The following BIRC6 variants were observed in gnomAD, a reference collection of about 807,000 sequenced individuals.
The protein encoded by BIRC6 is baculoviral IAP repeat containing 6, also known as dual E2 ubiquitin-conjugating enzyme/E3 ubiquitin-protein ligase BIRC6.
BIRC6 carries 98 observed loss-of-function variants against 503.3 expected under a neutral mutation model. The ratio of observed to expected loss-of-function variants is 0.19; its 90% confidence interval spans 0.17 to 0.23. BIRC6 has a LOEUF of 0.23. Among genes scored for constraint, BIRC6 ranks in the 10% least tolerant of loss-of-function variants. The probability of loss-of-function intolerance (pLI) is 1.00; values close to 1 mark genes in which losing one functional copy is unlikely to be tolerated. For synonymous variants in BIRC6, 2,240 were observed against 2,078.7 expected, an observed-to-expected ratio of 1.08 and a Z score of -2.11; for missense variants, 5,360 against 5,806.0, an observed-to-expected ratio of 0.92 and a Z score of 2.50.
At chr2:32,533,323 A>G (rs2056932484) in intron 61 of BIRC6, among the ~76,000 whole-genome samples, 1 of 152,244 alleles carries the variant, frequency 6.6e-6, no homozygotes, top group African/African-American at 2.4e-5. Flanking sequence ...TGTAATGAAC[A>G]TGTAATGAAC....
intron 54 of BIRC6, among the ~76,000 whole-genome samples, chr2:32,513,680 G>T (rs945912494): frequency 2.0e-5 from 3 of 152,198 alleles, no homozygotes; most frequent in African/African-American, 7.2e-5. Flanking sequence ...GGAGGCCGAG[G>T]TGGGCAGATC....
At chr2:32,566,478 G>A (rs903655175) in intron 65 of BIRC6, 4 of 152,154 alleles carry the variant, frequency 2.6e-5, no homozygotes, top group African/African-American at 9.7e-5. Context: ...TCAGCCTCAT[G>A]AGTAGCTGAG....
intron 36 of BIRC6, among the ~76,000 whole-genome samples, chr2:32,479,204 G>T (rs879542105): frequency 2.6e-5 from 4 of 152,130 alleles, no homozygotes; most frequent in Non-Finnish European, 5.9e-5. Context: ...ATGAATAAGC[G>T]TGTTAATGTA....
At chr2:32,481,734 C>A (rs994719687) in intron 38 of BIRC6, among the ~76,000 whole-genome samples, 3 of 151,682 alleles carry the variant, frequency 2.0e-5, no homozygotes, top group Admixed American at 2.0e-4. Context: ...CCACTGCACT[C>A]CAGCCTGGGT....
At chr2:32,579,823 C>T (rs1553517611) in intron 66 of BIRC6, among the ~76,000 whole-genome samples, 1 of 151,714 alleles carries the variant, frequency 6.6e-6, no homozygotes, top group Non-Finnish European at 1.5e-5. Flanking sequence ...TGAGATCTGG[C>T]CTGGTCACAA....
intron 61 of BIRC6, chr2:32,532,135 G>GTGTGTGTGTGTA (rs1553487063): frequency 8.2e-6 from 3 of 366,308 alleles, no homozygotes; most frequent in Non-Finnish European, 1.6e-5. Flanking sequence ...ATTTCATGTC[G>GTGTGTGTGTGTA]TGTGTGTGTG....
At chr2:32,430,802 CTTCTTTTTT>C in intron 11 of BIRC6, 54 bp from the exon 12 acceptor site, 2 of 993,292 alleles carry the variant, frequency 2.0e-6, no homozygotes, top group Non-Finnish European at 2.9e-6. Context: ...ACTTCATTGT[CTTCTTTTTT>C]TTTTTTTTTT....
chr2:32,541,278 A>G (rs906384696), intron 61 of BIRC6, among the ~76,000 whole-genome samples: 1 of 152,098 alleles, frequency 6.6e-6, no homozygotes, highest in Non-Finnish European at 1.5e-5. Flanking sequence ...AAGTGCCTCA[A>G]ATTCCTATGT....
At chr2:32,543,020 G>A (rs1559016017) in intron 61 of BIRC6, among the ~76,000 whole-genome samples, 1 of 152,168 alleles carries the variant, frequency 6.6e-6, no homozygotes, top group Non-Finnish European at 1.5e-5. Context: ...GGCTGGTCTC[G>A]AGTTCCTGAC....
chr2:32,521,193 A>T (rs544223950), intron 57 of BIRC6, among the ~76,000 whole-genome samples: 1 of 151,838 alleles, frequency 6.6e-6, no homozygotes, highest in South Asian at 2.1e-4. Context: ...TTTATATTAG[A>T]TCAACATGTA....
chr2:32,611,504 G>T lies in BIRC6; in HGVS notation c.14316G>T (p.Glu4772Asp). ...TTGAGATAATGGCCCAATGTGAGGA[G>T]TGGATTGCGGATATCCAGCAGTACA... ...KRVEIMAQCE[E>D]WIADIQQYSS... The change falls in exon 73 of 74, where the codon GAG (glutamate) becomes GAT (aspartate). Residue 4772 changes from glutamate to aspartate, a missense_variant. Glu to Asp is a conservative substitution (Grantham distance 45, BLOSUM62 2). Transcript: ENST00000421745. 6.2e-7 allele frequency: 1 copy of T among 1,611,246 alleles called. No individual in the cohort carries two copies.
chr2:32,398,862 C>T (rs2040279299), intron 6 of BIRC6, among the ~76,000 whole-genome samples: 1 of 151,982 alleles, frequency 6.6e-6, no homozygotes. Flanking sequence ...CTTGGAAGTG[C>T]ACTGTAAAAG....
intron 61 of BIRC6, among the ~76,000 whole-genome samples, chr2:32,534,917 C>A (rs1356803493): frequency 4.6e-5 from 7 of 150,956 alleles, no homozygotes; most frequent in African/African-American, 9.7e-5. Flanking sequence ...AAAAATTTCC[C>A]AAATAGATGT....
At chr2:32,512,405 T>C (rs2054540540) in intron 53 of BIRC6, among the ~76,000 whole-genome samples, 2 of 152,214 alleles carry the variant, frequency 1.3e-5, no homozygotes, top group South Asian at 4.1e-4. Context: ...TTGGGATTAG[T>C]GGGGTTAGTT....
At chr2:32,498,278 T>C (rs1371700004) in intron 45 of BIRC6, among the ~76,000 whole-genome samples, 1 of 152,148 alleles carries the variant, frequency 6.6e-6, no homozygotes, top group Non-Finnish European at 1.5e-5. Flanking sequence ...TTGGCCAGGG[T>C]AGTCTCGAAC....
intron 66 of BIRC6, 68 bp from the exon 67 acceptor site, chr2:32,593,847 T>G: frequency 7.5e-7 from 1 of 1,334,712 alleles, no homozygotes; most frequent in Non-Finnish European, 1.1e-6. Flanking sequence ...GTATATTGAT[T>G]TATGGAGGTG....
rs1422951196 is a variant in BIRC6 at position 32,575,357 on chromosome 2, A to G, written c.13346A>G (p.Asn4449Ser). 6 of 1,613,130 alleles carry G rather than the reference A, an allele frequency of 3.7e-6. No individual in the cohort carries two copies. Among genetic ancestry groups the G allele is most frequent in the Middle Eastern group, 1.6e-4 (1 of 6,082 alleles). The change falls in exon 66 of 74, where the codon AAC becomes AGC. Residue 4449 changes from asparagine to serine, a missense_variant. By Grantham distance (46) the Asn-to-Ser change is conservative. Transcript: ENST00000421745. ...AAGACCTGTGTTGATACCTATACCAACCGTTTAAGGTACTATATACAATGT... is the reference window on the plus strand; with the variant it reads ...AAGACCTGTGTTGATACCTATACCAGCCGTTTAAGGTACTATATACAATGT... The part of the protein sequence containing the change: ...KMKTCVDTYT[N>S]RLRSKRENVK...
chr2:32,372,938 A>G (rs1558550443), intron 1 of BIRC6, among the ~76,000 whole-genome samples: 1 of 152,198 alleles, frequency 6.6e-6, no homozygotes, highest in East Asian at 1.9e-4. Flanking sequence ...TGTGAACATA[A>G]GCTTTTATGT....
intron 59 of BIRC6, chr2:32,529,336 C>A (rs185612530): frequency 6.3e-5 from 14 of 220,884 alleles, no homozygotes; most frequent in Admixed American, 3.9e-4. Flanking sequence ...TATGGCCCCC[C>A]CAGGTTAAAG....
Sources: gnomAD v4.1 joint callset for allele counts (sites outside exome capture counted in the v4.1 genomes callset) on GRCh38, gnomAD v4.1.1 for gene constraint, MANE v1.5 for transcripts, NCBI Gene and HGNC (gene_info 2026-07-23, HGNC 2026-07-21) for gene names.